IFI16: variants seen among roughly 807,000 people sequenced by gnomAD.
IFI16 encodes the protein interferon gamma inducible protein 16.
In IFI16, 49 loss-of-function variants were observed where a neutral mutation model predicts 68.4. The ratio of observed to expected loss-of-function variants is 0.72; its 90% CI spans 0.57 to 0.91. The LOEUF is 0.91. Ranked by LOEUF, IFI16 falls within the 40% of genes least tolerant of loss-of-function variation. The probability of loss-of-function intolerance (pLI) is 0.00; values close to 1 mark genes in which losing one functional copy is unlikely to be tolerated. For synonymous variants in IFI16, 307 were observed against 315.0 expected (o/e 0.97, Z 0.27); for missense variants, 878 against 942.9 (o/e 0.93, Z 0.90).
chr1:159,048,636 CCTCT>C (rs1448456568), intron 8 of IFI16, among the ~76,000 whole-genome samples: 2 of 151,338 alleles, frequency 1.3e-5, no homozygotes, highest in Non-Finnish European at 1.5e-5. Context: ...CTTTTGTGTA[CCTCT>C]CTATCAACAA....
intron 1 of IFI16, among the ~76,000 whole-genome samples, chr1:159,010,436 C>T (rs856061): frequency 0.99 from 150,372 of 152,342 alleles, 74,241 homozygotes; most frequent in Middle Eastern, 1. Context: ...CGAGTGTATA[C>T]TGGCATAAGT....
rs767463217 is a variant in IFI16, at chr1:159,051,792, C to T, written c.1779C>T (p.Pro593=). The change falls in exon 10 of 12, where the codon CCC becomes CCT. Residue 593 remains proline, a synonymous_variant. Coordinates refer to ENST00000295809, the MANE Select transcript of IFI16 (RefSeq NM_001376587.1). ...LNATESFVYE[P]KEQKKMFHAT... ...CAACAGAATCATTTGTATATGAGCC[C>T]AAAGAGCAGAAGAAAATGTTTCATG... 1 of 1,614,008 alleles carries T rather than the reference C, an allele frequency of 6.2e-7. No homozygotes were observed. The highest frequency in any genetic ancestry group is 1.1e-5 in the South Asian group (1 of 91,084).
intron 1 of IFI16, among the ~76,000 whole-genome samples, 194 bp from the exon 2 acceptor site, chr1:159,014,467 A>G (rs1652794479): frequency 2.6e-5 from 2 of 76,362 alleles, no homozygotes; most frequent in Non-Finnish European, 7.5e-5. Flanking sequence ...TTCAATGGGA[A>G]TAATTTCTTA....
rs990462295 is a variant in IFI16, at chr1:159,016,675, C to G, written c.524C>G (p.Ala175Gly). ...CCATCTCCCAAGACCTCATTGTCAG[C>G]TCCACCCAACAGTTCTTCAACTGAG... ...RSPSPKTSLS[A>G]PPNSSSTENP... is the part of the protein sequence containing the mutation. The change falls in exon 4 of 12, where the codon GCT (alanine) becomes GGT (glycine). Residue 175 changes from alanine to glycine, a missense_variant. Coordinates refer to ENST00000295809, the MANE Select transcript of IFI16 (RefSeq NM_001376587.1). The G allele has an allele frequency of 3.1e-6, 5 of 1,613,896 alleles. No homozygotes were observed. The Admixed American group carries it at 6.7e-5, about 22-fold the overall frequency.
chr1:159,026,726 T>G (rs1339620457), intron 6 of IFI16, among the ~76,000 whole-genome samples: 1 of 152,242 alleles, frequency 6.6e-6, no homozygotes, highest in Non-Finnish European at 1.5e-5. Context: ...TTTCACCTCC[T>G]TGGTTAGATA....
intron 9 of IFI16, among the ~76,000 whole-genome samples, chr1:159,050,045 CACATTTCAGT>C (rs1655248479): frequency 6.6e-6 from 1 of 152,138 alleles, no homozygotes; most frequent in African/African-American, 2.4e-5. Flanking sequence ...TATCTAATGC[CACATTTCAGT>C]ACATGGTCTT....
chr1:159,005,056 T>C (rs899959344), upstream of IFI16, among the ~76,000 whole-genome samples: 2 of 152,146 alleles, frequency 1.3e-5, no homozygotes, highest in East Asian at 3.9e-4. Flanking sequence ...TCATGAGAAT[T>C]TCACTCACGT....
At chr1:159,048,312 C>T (rs2101920162) in intron 8 of IFI16, among the ~76,000 whole-genome samples, 1 of 151,446 alleles carries the variant, frequency 6.6e-6, no homozygotes, top group East Asian at 1.9e-4. Flanking sequence ...TTTATAACAC[C>T]ATACAAAAAT....
intron 7 of IFI16, among the ~76,000 whole-genome samples, chr1:159,042,481 G>C (rs149850304): frequency 1.3e-5 from 2 of 152,068 alleles, no homozygotes; most frequent in South Asian, 4.2e-4. Context: ...TTCAGTTTCC[G>C]TATCCATGCT....
At chr1:159,011,217 C>T (rs1652536201) in intron 1 of IFI16, among the ~76,000 whole-genome samples, 1 of 152,020 alleles carries the variant, frequency 6.6e-6, no homozygotes, top group African/African-American at 2.4e-5. Context: ...AACCCTGTCT[C>T]TATTAAAAAT....
chr1:159,032,100 G>C (rs1654034893), intron 6 of IFI16, among the ~76,000 whole-genome samples: 1 of 152,170 alleles, frequency 6.6e-6, no homozygotes. Context: ...GCAAGATAAA[G>C]ACAAACACTG....
intron 7 of IFI16, among the ~76,000 whole-genome samples, chr1:159,043,763 A>G (rs1654809961): frequency 6.6e-6 from 1 of 152,214 alleles, no homozygotes; most frequent in Admixed American, 6.5e-5. Flanking sequence ...CTGAGGGAAA[A>G]CAAATGCTTG....
Position 159,009,958 on chromosome 1 carries a change from A to T in IFI16, c.-224A>T, listed in dbSNP as rs1256008333. On this transcript the variant is annotated 5_prime_UTR_variant, in exon 1 of 12. Coordinates refer to ENST00000295809, the MANE Select transcript of IFI16 (RefSeq NM_001376587.1). ...GGAGCAAGCCAGCACTAGTCAGCTA[A>T]CTAAGTGACTCAACCAAGGCCTTTT... The T allele has an allele frequency of 1.3e-5, 2 of 152,222 alleles. No individual in the cohort carries two copies. The highest frequency in any genetic ancestry group is 2.9e-5 in the Non-Finnish European group (2 of 68,040). 9.4% of individuals were successfully genotyped at this position (152,222 alleles called of 1,614,324 possible).
At chr1:159,032,901 T>G (rs949749012) in intron 7 of IFI16, among the ~76,000 whole-genome samples, 1 of 152,076 alleles carries the variant, frequency 6.6e-6, no homozygotes, top group Non-Finnish European at 1.5e-5. Context: ...ATTTATATAA[T>G]GATTTCTAAC....
Position 159,018,082 on chromosome 1 carries a change from C to CT in IFI16, c.550-146dup, listed in dbSNP as rs1653049021. The CT allele has an allele frequency of 4.7e-6, 3 of 639,628 alleles. No homozygotes were observed. In the African/African-American group the frequency reaches 5.5e-5, roughly 12 times the overall value. The allele number at this position is 639,628 out of a possible 1,614,324, so 39.6% of individuals were successfully genotyped here. On this transcript the variant is annotated intron_variant, in intron 4 of 11. Transcript: ENST00000295809. The stretch of plus-strand genomic sequence containing the variant: ...GTACCAGTTTAAGATATCTTCTGCC[C>CT]TGGCTCGCAATCCCTCTCTATCCTG...
At chr1:159,029,065 G>A (rs1243306947) in intron 6 of IFI16, among the ~76,000 whole-genome samples, 1 of 152,016 alleles carries the variant, frequency 6.6e-6, no homozygotes, top group Non-Finnish European at 1.5e-5. Context: ...TTTTATTACT[G>A]TGTTATTGTT....
chr1:159,042,480 C>A (rs575621936), intron 7 of IFI16, among the ~76,000 whole-genome samples: 2 of 152,234 alleles, frequency 1.3e-5, no homozygotes, highest in South Asian at 4.2e-4. Context: ...GTTCAGTTTC[C>A]GTATCCATGC....
chr1:159,046,005 T>G (rs1202096010), intron 8 of IFI16, among the ~76,000 whole-genome samples: 2 of 151,358 alleles, frequency 1.3e-5, no homozygotes, highest in African/African-American at 4.8e-5. Flanking sequence ...GTAAATCACA[T>G]TACGCATATT....
intron 10 of IFI16, 25 bp from the exon 11 acceptor site, chr1:159,053,508 G>C (rs780429476): frequency 6.8e-7 from 1 of 1,478,558 alleles, no homozygotes; most frequent in Admixed American, 1.7e-5. Context: ...AGTTTCAGAA[G>C]ATAAGTGTTA....
Sources: allele counts gnomAD v4.1 joint callset (sites outside exome capture counted in the v4.1 genomes callset), GRCh38; gene constraint gnomAD v4.1.1; transcripts MANE v1.5; gene names NCBI Gene and HGNC (gene_info 2026-07-23, HGNC 2026-07-21).